RBFOX1: variants seen among roughly 807,000 people sequenced by gnomAD.
The protein encoded by RBFOX1 is RNA binding protein fox-1 homolog 1.
Under a neutral mutation model 57.7 loss-of-function variants are expected in RBFOX1, and 8 were observed. The ratio of observed to expected loss-of-function variants is 0.14; its 90% confidence interval spans 0.08 to 0.25. The LOEUF (loss-of-function observed/expected upper bound fraction) is 0.25. RBFOX1 is among the 10% of genes least tolerant of loss of function. The pLI, the probability that RBFOX1 is intolerant of heterozygous loss-of-function variation, is 1.00. For missense variants in RBFOX1, 611 were observed against 548.5 expected, an observed-to-expected ratio of 1.11 and a Z score of -1.14; for synonymous variants, 326 against 222.4, an observed-to-expected ratio of 1.47 and a Z score of -4.15.
chr16:6,164,856 G>T (rs2096905500), intron 1 of RBFOX1, among the ~76,000 whole-genome samples: 1 of 152,172 alleles, frequency 6.6e-6, no homozygotes, highest in African/African-American at 2.4e-5. Context: ...GTTTACTTCT[G>T]CATAATGCTA....
At chr16:6,055,382 C>T in intron 1 of RBFOX1, among the ~76,000 whole-genome samples, 1 of 151,784 alleles carries the variant, frequency 6.6e-6, no homozygotes, top group Non-Finnish European at 1.5e-5. Flanking sequence ...CACTTGAGGT[C>T]AGGAGTTCTA....
chr16:6,869,782 G>A (rs1031536210), intron 3 of RBFOX1, among the ~76,000 whole-genome samples: 1 of 152,126 alleles, frequency 6.6e-6, no homozygotes, highest in African/African-American at 2.4e-5. Flanking sequence ...AGCTTGATGT[G>A]GAATTTCCAA....
intron 3 of RBFOX1, among the ~76,000 whole-genome samples, chr16:6,783,837 A>T (rs886415912): frequency 2.0e-5 from 3 of 152,090 alleles, no homozygotes; most frequent in Admixed American, 6.6e-5. Flanking sequence ...TCTAGTGTTG[A>T]TGAATTACCT....
intron 3 of RBFOX1, among the ~76,000 whole-genome samples, chr16:6,808,441 C>T (rs1214825030): frequency 6.6e-6 from 1 of 152,036 alleles, no homozygotes; most frequent in Non-Finnish European, 1.5e-5. Context: ...GAATAAACTA[C>T]ATCCCAAGGA....
At chr16:6,679,701 C>G (rs756510039) in intron 3 of RBFOX1, among the ~76,000 whole-genome samples, 2 of 152,138 alleles carry the variant, frequency 1.3e-5, no homozygotes, top group Non-Finnish European at 2.9e-5. Context: ...CCACACCATA[C>G]AAGAGTACTT....
intron 4 of RBFOX1, among the ~76,000 whole-genome samples, chr16:7,352,515 C>G (rs1302022526): frequency 6.6e-6 from 1 of 152,074 alleles, no homozygotes; most frequent in Non-Finnish European, 1.5e-5. Flanking sequence ...TCCGGGCTGC[C>G]CATCACTGCT....
intron 3 of RBFOX1, among the ~76,000 whole-genome samples, chr16:7,019,171 T>G (rs1316965274): frequency 1.3e-5 from 2 of 151,790 alleles, no homozygotes; most frequent in South Asian, 2.1e-4. Context: ...ATTTCTAAAA[T>G]TTTTTAGGAC....
chr16:7,386,803 ACT>A (rs1474934588), intron 4 of RBFOX1, among the ~76,000 whole-genome samples: 2 of 152,162 alleles, frequency 1.3e-5, no homozygotes, highest in African/African-American at 4.8e-5. Flanking sequence ...GAATCGCCAC[ACT>A]GTCTTCCACA....
chr16:7,515,069 A>T (rs1248210896), intron 4 of RBFOX1, among the ~76,000 whole-genome samples: 1 of 152,166 alleles, frequency 6.6e-6, no homozygotes, highest in East Asian at 1.9e-4. Flanking sequence ...AGGCAGAAAC[A>T]GATCTTTGAG....
At position 6,303,735 on chromosome 16, in the gene RBFOX1, G is replaced by C. The variant is rs139553391; in HGVS notation, c.-126-13260G>C. 1.2e-3 allele frequency among the ~76,000 whole-genome samples: 180 copies of C among 151,922 alleles called. 1 individual carries two copies. The highest frequency in any genetic ancestry group is 3.7e-3 in the African/African-American group (153 of 41,446). ...TCATGCCTGTAATCCCAGCACTTTG[G>C]GAGGCCGAGGAGGGTGGATCATGAG... On this transcript the variant is annotated intron_variant, in intron 1 of 15. Coordinates refer to ENST00000550418, the MANE Select transcript of RBFOX1 (RefSeq NM_018723.4).
intron 5 of RBFOX1, among the ~76,000 whole-genome samples, chr16:7,542,700 A>G (rs1162958430): frequency 9.2e-5 from 1 of 10,820 alleles, no homozygotes. Context: ...ACTAAAAATG[A>G]AAAAAAAAAA....
chr16:6,911,037 C>G (rs2071443192), intron 3 of RBFOX1, among the ~76,000 whole-genome samples: 1 of 151,864 alleles, frequency 6.6e-6, no homozygotes. Flanking sequence ...CCCGTCTCTA[C>G]CAAAAATACA....
At chr16:7,280,277 A>G (rs549329827) in intron 4 of RBFOX1, among the ~76,000 whole-genome samples, 1 of 152,312 alleles carries the variant, frequency 6.6e-6, no homozygotes, top group Admixed American at 6.5e-5. Context: ...TCACTTCCCC[A>G]GCTTCACTTA....
chr16:6,629,222 G>C (rs2098351735), intron 2 of RBFOX1, among the ~76,000 whole-genome samples: 1 of 152,122 alleles, frequency 6.6e-6, no homozygotes, highest in African/African-American at 2.4e-5. Context: ...TTCTGTATTT[G>C]GCAATTACAG....
chr16:6,740,458 A>G (rs1202041199), intron 3 of RBFOX1, among the ~76,000 whole-genome samples: 2 of 152,232 alleles, frequency 1.3e-5, no homozygotes, highest in Admixed American at 1.3e-4. Context: ...AACTATCCTT[A>G]TTAGTGGATT....
intron 3 of RBFOX1, chr16:6,705,281 G>C (rs1384512662): frequency 6.6e-6 from 1 of 151,928 alleles, no homozygotes; most frequent in East Asian, 1.9e-4. Flanking sequence ...CTGGGCAAAG[G>C]TTTCTCACTG....
rs145709539 is a variant in RBFOX1 at position 5,621,163 on chromosome 16, A to C, written c.318+22202A>C. Among the ~76,000 whole-genome samples, 40 of 152,154 alleles carry C rather than the reference A, an allele frequency of 2.6e-4. No homozygotes were observed. The East Asian group carries it at 7.5e-3, about 29-fold the overall frequency. ...GCCTGCTAATTTTTATTTTTTGTAG[A>C]AATGGGGTTTTCCTGTGTTTCCCGG... On this transcript the variant is annotated intron_variant, in intron 3 of 19. Coordinates refer to the RBFOX1 transcript ENST00000641259.
At chr16:6,613,263 T>G (rs2154027176) in intron 2 of RBFOX1, among the ~76,000 whole-genome samples, 1 of 152,180 alleles carries the variant, frequency 6.6e-6, no homozygotes, top group African/African-American at 2.4e-5. Context: ...TCATCTTTGC[T>G]AAAGGATTTT....
At chr16:5,818,330 C>G (rs2055718961) in intron 3 of RBFOX1, among the ~76,000 whole-genome samples, 1 of 152,148 alleles carries the variant, frequency 6.6e-6, no homozygotes, top group Non-Finnish European at 1.5e-5. Context: ...GCACATCATG[C>G]CTTGCAAGGG....
Sources: allele counts gnomAD v4.1 joint callset (sites outside exome capture counted in the v4.1 genomes callset), GRCh38; gene constraint gnomAD v4.1.1; transcripts MANE v1.5; gene names NCBI Gene and HGNC (gene_info 2026-07-23, HGNC 2026-07-21).